POU2AF3: variants seen among roughly 807,000 people sequenced by gnomAD.
POU2AF3 encodes the protein POU class 2 homeobox associating factor 3.
At chr11:111,299,640 A>C in the POU2AF3 span, 1 of 1,228,998 alleles carries the variant, frequency 8.1e-7, no homozygotes, top group Non-Finnish European at 1.0e-6. Context: ...GGAGCCCCGG[A>C]CGGCTTTCCC....
At chr11:111,304,400 A>G in the POU2AF3 span, among the ~76,000 whole-genome samples, 10 of 152,168 alleles carry the variant, frequency 6.6e-5, no homozygotes, top group African/African-American at 2.4e-4. Context: ...TTACATTTTT[A>G]CCACATAAAA....
At chr11:111,300,502 CACT>C in the POU2AF3 span, 1 of 1,184,920 alleles carries the variant, frequency 8.4e-7, no homozygotes, top group African/African-American at 1.6e-5. Context: ...TGGACTCGAC[CACT>C]GACTCAGTTG....
chr11:111,298,826 G>GCCGGCCC, the POU2AF3 span: 2 of 790,960 alleles, frequency 2.5e-6, no homozygotes, highest in Non-Finnish European at 3.4e-6. Flanking sequence ...CGTACCCCAG[G>GCCGGCCC]CCCCCGCCCG....
At chr11:111,298,884 CT>C in the POU2AF3 span, 3 of 1,147,272 alleles carry the variant, frequency 2.6e-6, no homozygotes, top group Non-Finnish European at 3.2e-6. Flanking sequence ...GGTGCGGACC[CT>C]GCGCGCCCAG....
At chr11:111,301,832 C>G in the POU2AF3 span, among the ~76,000 whole-genome samples, 1 of 152,152 alleles carries the variant, frequency 6.6e-6, no homozygotes, top group Non-Finnish European at 1.5e-5. Flanking sequence ...ATAATATTAT[C>G]TGGGGAAAGC....
At chr11:111,304,554 C>G in the POU2AF3 span, among the ~76,000 whole-genome samples, 33 of 152,104 alleles carry the variant, frequency 2.2e-4, no homozygotes, top group African/African-American at 7.7e-4. Flanking sequence ...TTTAAGAAGT[C>G]TGTTTTATGA....
the POU2AF3 span, chr11:111,299,850 G>C: frequency 2.4e-5 from 16 of 674,218 alleles, no homozygotes; most frequent in East Asian, 5.5e-4. Context: ...AGACAGAAGG[G>C]AGCGAGGGAG....
the POU2AF3 span, chr11:111,306,616 A>T: frequency 1.3e-6 from 2 of 1,551,200 alleles, no homozygotes; most frequent in Middle Eastern, 1.7e-4. Context: ...TGCTTTAACC[A>T]GAGCCTGGTA....
At chr11:111,308,000 C>T in the POU2AF3 span, 2 of 1,400,370 alleles carry the variant, frequency 1.4e-6, no homozygotes, top group Middle Eastern at 2.1e-4. Flanking sequence ...TTGGTAAACC[C>T]ACACTGTTCA....
At chr11:111,298,911 G>A in the POU2AF3 span, 7 of 1,093,676 alleles carry the variant, frequency 6.4e-6, no homozygotes, top group African/African-American at 1.1e-4. Context: ...GCTACGGGGG[G>A]AGCTAGAGGC....
the POU2AF3 span, among the ~76,000 whole-genome samples, chr11:111,302,398 T>A: frequency 1.3e-5 from 2 of 152,152 alleles, no homozygotes; most frequent in African/African-American, 4.8e-5. Flanking sequence ...ACTTTCATAA[T>A]AAAATGTAAC....
the POU2AF3 span, chr11:111,299,614 G>A: frequency 8.2e-7 from 1 of 1,226,084 alleles, no homozygotes; most frequent in Non-Finnish European, 1.0e-6. Context: ...CCTCCCGGCG[G>A]AGTGCAGGGT....
chr11:111,304,804 C>A, the POU2AF3 span: 2 of 483,754 alleles, frequency 4.1e-6, no homozygotes, highest in East Asian at 3.6e-5. Context: ...GCAACTTTTT[C>A]TGAGAAGGAA....
the POU2AF3 span, chr11:111,300,263 A>G: frequency 3.2e-6 from 1 of 317,228 alleles, no homozygotes; most frequent in East Asian, 5.0e-5. Context: ...CTATTGGCCT[A>G]GGACTGAGGC....
chr11:111,301,243 GT>G, the POU2AF3 span, among the ~76,000 whole-genome samples: 1 of 152,182 alleles, frequency 6.6e-6, no homozygotes, highest in Non-Finnish European at 1.5e-5. Context: ...AGTCATAAGG[GT>G]ATACCCTGAC....
chr11:111,305,077 C>T, the POU2AF3 span: 2 of 689,390 alleles, frequency 2.9e-6, no homozygotes, highest in Non-Finnish European at 4.1e-6. Flanking sequence ...AAGATAGGCA[C>T]CACCATTTAA....
At chr11:111,299,345 T>C in the POU2AF3 span, 2 of 989,792 alleles carry the variant, frequency 2.0e-6, no homozygotes, top group African/African-American at 1.7e-5. Context: ...CACTGCAGGG[T>C]AGTGGTCAGG....
the POU2AF3 span, chr11:111,299,620 AG>A: frequency 9.0e-6 from 11 of 1,226,076 alleles, no homozygotes; most frequent in Non-Finnish European, 1.1e-5. Context: ...GGCGGAGTGC[AG>A]GGTCATCGGG....
the POU2AF3 span, among the ~76,000 whole-genome samples, chr11:111,302,228 C>T: frequency 6.6e-6 from 1 of 152,208 alleles, no homozygotes; most frequent in African/African-American, 2.4e-5. Context: ...AAAAACCCTT[C>T]TGTTGGCTCT....
Sources: allele counts gnomAD v4.1 joint callset (sites outside exome capture counted in the v4.1 genomes callset), GRCh38; gene constraint gnomAD v4.1.1; transcripts MANE v1.5; gene names NCBI Gene and HGNC (gene_info 2026-07-23, HGNC 2026-07-21).